Variants in EEF2 observed in about 807,000 individuals in gnomAD.
EEF2 encodes the protein elongation factor 2.
In EEF2, 21 loss-of-function variants were observed where a neutral mutation model predicts 85.3. The ratio of observed to expected loss-of-function variants is 0.25; its 90% CI spans 0.17 to 0.35. The LOEUF is 0.35. Ranked by LOEUF, EEF2 falls within the 10% of genes least tolerant of loss-of-function variation. The pLI, the probability that EEF2 is intolerant of heterozygous loss-of-function variation, is 1.00. For missense variants in EEF2, 825 were observed against 1,225.3 expected (o/e 0.67, Z 4.88); for synonymous variants, 723 against 508.8 (o/e 1.42, Z -5.67).
intron 8 of EEF2, 50 bp from the exon 9 acceptor site, chr19:3,980,759 T>C (rs755376126): frequency 1.2e-6 from 2 of 1,600,232 alleles, no homozygotes; most frequent in South Asian, 1.1e-5. Context: ...AGCTCAGCCT[T>C]CTGGAACCCT....
intron 9 of EEF2, 41 bp downstream of exon 9, chr19:3,980,473 G>A (rs777284850): frequency 1.0e-5 from 16 of 1,584,318 alleles, no homozygotes; most frequent in Admixed American, 8.9e-5. Flanking sequence ...GGCAGGGCCC[G>A]CAACAGTGCC....
chr19:3,984,692 T>G (rs1488003430), intron 1 of EEF2: 2 of 227,466 alleles, frequency 8.8e-6, no homozygotes, highest in Non-Finnish European at 1.7e-5. Context: ...TAAAGCCCCC[T>G]CCACGTTGTC....
rs1264804554 is a variant in EEF2, at chr19:3,981,657, C to T, written c.898-205G>A. ...TCGTGGTGGAGCAGAGGAAAAAGCC[C>T]ACTCTGACTCAGACAAGGACCCAAG... is the stretch of plus-strand genomic sequence containing the variant. On this transcript the variant is annotated intron_variant, in intron 6 of 14. Coordinates refer to ENST00000309311, the MANE Select transcript of EEF2 (RefSeq NM_001961.4). Among the ~76,000 whole-genome samples the T allele has an allele frequency of 2.6e-5, 4 of 152,218 alleles. No individual in the cohort carries two copies. In the East Asian group the frequency reaches 5.8e-4, roughly 22 times the overall value.
rs775271114 is a variant in EEF2, at chr19:3,982,067, C to T, written c.792-15G>A. The T allele has an allele frequency of 4.3e-6, 7 of 1,613,708 alleles. No individual in the cohort carries two copies. The highest frequency in any genetic ancestry group is 2.2e-5 in the East Asian group (1 of 44,890). ...GGTCAAAGTACCTGGCAAGGAGAGG[C>T]CAAGCCAAATCAAGTTAGGGTCTCC... is the stretch of plus-strand genomic sequence containing the variant. On this transcript the variant is annotated splice_polypyrimidine_tract_variant and intron_variant, in intron 5 of 14. Transcript: ENST00000309311.
rs537664928 is a variant in EEF2, at chr19:3,978,436, C to CT, written c.1714-265dup. Among the ~76,000 whole-genome samples the CT allele has an allele frequency of 2.2e-3, 329 of 152,302 alleles. 5 individuals are homozygous for CT. The highest frequency in any genetic ancestry group is 0.01 in the Admixed American group (155 of 15,290). ...AGCATTAACAGGGAAGAAACGAGGT[C>CT]TGGAGCAGGCCTGTCCCAACCCCTC... On this transcript the variant is annotated intron_variant, in intron 11 of 14. Coordinates refer to ENST00000309311, the MANE Select transcript of EEF2 (RefSeq NM_001961.4).
chr19:3,984,451 G>A (rs1344933308), intron 1 of EEF2, 101 bp from the exon 2 acceptor site: 4 of 1,331,320 alleles, frequency 3.0e-6, no homozygotes, highest in African/African-American at 2.9e-5. Flanking sequence ...AAGGCCAGGA[G>A]GGGGTTGGTG....
intron 2 of EEF2, 69 bp downstream of exon 2, chr19:3,984,067 T>C (rs988541092): frequency 1.3e-6 from 2 of 1,568,140 alleles, no homozygotes; most frequent in Non-Finnish European, 8.7e-7. Flanking sequence ...CCGCGCACCC[T>C]GGCCCAGTGG....
At position 3,985,390 on chromosome 19, in the gene EEF2, T is replaced by G. The variant is rs1326407176; in HGVS notation, c.-10A>C. On this transcript the variant is annotated 5_prime_UTR_variant, in exon 1 of 15. Coordinates refer to ENST00000309311, the MANE Select transcript of EEF2 (RefSeq NM_001961.4). ...CAGGGTTACTCACCATGGTGGCGGA[T>G]GGCGGTGGATTCTCCCAGGTAGAAC... The G allele has an allele frequency of 6.6e-7, 1 of 1,512,036 alleles. No individual in the cohort carries two copies. The highest frequency in any genetic ancestry group is 8.9e-7 in the Non-Finnish European group (1 of 1,127,082). 93.7% of individuals were successfully genotyped at this position (1,512,036 alleles called of 1,614,324 possible). A position where few individuals can be genotyped will look rare whatever the true frequency, so the allele number is the denominator to read the frequency against.
intron 10 of EEF2, 151 bp downstream of exon 10, chr19:3,979,657 G>C: frequency 1.6e-6 from 2 of 1,248,068 alleles, no homozygotes; most frequent in Non-Finnish European, 1.1e-6. Flanking sequence ...GCCTGGGCAG[G>C]AGTCTCCATT....
chr19:3,979,324 C>T lies in EEF2; in HGVS notation c.1713+5G>A. 1 of 1,613,186 alleles carries T rather than the reference C, an allele frequency of 6.2e-7. No homozygotes were observed. Among genetic ancestry groups the T allele is most frequent in the South Asian group, 1.1e-5 (1 of 91,054 alleles). On this transcript the variant is annotated splice_donor_5th_base_variant and intron_variant, in intron 11 of 14. Coordinates refer to ENST00000309311, the MANE Select transcript of EEF2 (RefSeq NM_001961.4). ...CGTGGGGAAGGCTGGTCACTGGCGC[C>T]TCACCTTGATGGGGATGCAGGCGTG...
chr19:3,980,134 G>T, intron 9 of EEF2, 68 bp from the exon 10 acceptor site: 1 of 1,552,684 alleles, frequency 6.4e-7, no homozygotes, highest in South Asian at 1.2e-5. Context: ...GGCCAGGGCA[G>T]GTCCCTCCCG....
rs2039791409 is a variant in EEF2, at chr19:3,984,219, G to A, written c.135C>T (p.Ile45=). The change falls in exon 2 of 15, where the codon ATC becomes ATT. Residue 45 remains isoleucine, a synonymous_variant. Transcript: ENST00000309311. ...TCTCCCCGGCCCGGGCCGAGGCGAT[G>A]ATGCCCGCCTTGCACACCAGGGAGT... is the stretch of plus-strand genomic sequence containing the variant. ...LTDSLVCKAG[I]IASARAGETR... 10 of 1,614,122 alleles carry A rather than the reference G, an allele frequency of 6.2e-6. No homozygotes were observed. The highest frequency in any genetic ancestry group is 2.2e-5 in the East Asian group (1 of 44,882).
chr19:3,978,247 T>G, intron 11 of EEF2, 75 bp from the exon 12 acceptor site: 1 of 1,324,788 alleles, frequency 7.5e-7, no homozygotes, highest in South Asian at 1.8e-5. Context: ...CCTTAAAAGC[T>G]TTTCCTAGCA....
At chr19:3,982,130 T>C (rs2039757050) in intron 5 of EEF2, 78 bp from the exon 6 acceptor site, 6 of 1,599,274 alleles carry the variant, frequency 3.8e-6, no homozygotes, top group Admixed American at 1.7e-5. Flanking sequence ...CAAGGGGACA[T>C]GCTTGGGCAA....
In EEF2 at chr19:3,980,760, C is replaced by G. The variant is rs1287740004; in HGVS notation, c.1151-51G>C. On this transcript the variant is annotated intron_variant, in intron 8 of 14. Coordinates refer to ENST00000309311, the MANE Select transcript of EEF2 (RefSeq NM_001961.4). ...CTTTATTCCAGTGCAGCTCAGCCTT[C>G]TGGAACCCTGCAACCCACAACCTTG... is the stretch of plus-strand genomic sequence containing the variant. The G allele has an allele frequency of 1.9e-6, 3 of 1,599,720 alleles. No homozygotes were observed. The Admixed American group carries it at 5.2e-5, about 28-fold the overall frequency.
chr19:3,983,687 C>A (rs1171790772), intron 2 of EEF2, among the ~76,000 whole-genome samples: 1 of 152,150 alleles, frequency 6.6e-6, no homozygotes, highest in African/African-American at 2.4e-5. Flanking sequence ...GAGTCCCTCA[C>A]CAATGTACCA....
Position 3,980,691 on chromosome 19 carries a change from G to C in EEF2, c.1169C>G (p.Pro390Arg), listed in dbSNP as rs763170059. 3 of 1,613,658 alleles carry C rather than the reference G, an allele frequency of 1.9e-6. No homozygotes were observed. Among genetic ancestry groups the C allele is most frequent in the Non-Finnish European group, 2.5e-6 (3 of 1,179,614 alleles). ...AATATACATCATAAGAGGGCCTTTG[G>C]GGTCACAGCTTTTAATGCCTGAGGG... Reference protein sequence around the residue: ...EAAMGIKSCDPKGPLMMYISK... With the variant: ...EAAMGIKSCDRKGPLMMYISK... Residue 390 changes from proline (P) to arginine (R), a missense_variant, in exon 9 of 15, where the codon CCC becomes CGC. Transcript: ENST00000309311.
At position 3,980,950 on chromosome 19, in the gene EEF2, T is replaced by G. The variant is rs1256678774; in HGVS notation, c.1041A>C (p.Gly347=). 4 of 1,574,072 alleles carry G rather than the reference T, an allele frequency of 2.5e-6. No individual in the cohort carries two copies. The highest frequency in any genetic ancestry group is 4.7e-5 in the East Asian group (2 of 42,970). The change falls in exon 8 of 15, where the codon GGA becomes GGC. Residue 347 remains glycine, a synonymous_variant. Transcript: ENST00000309311. The stretch of plus-strand genomic sequence containing the variant: ...TGGTGATCATCTGCAACAAGGCGTC[T>G]CCGGCAGGCAGCCAGCGGCGCATCA... ...KAVMRRWLPA[G]DALLQMITIH... is the part of the protein sequence containing the mutation.
chr19:3,980,214 G>C, intron 9 of EEF2, 148 bp from the exon 10 acceptor site: 3 of 1,207,170 alleles, frequency 2.5e-6, no homozygotes, highest in Admixed American at 2.8e-5. Flanking sequence ...CTGCTGCGTC[G>C]GGGCTGTCAG....
Sources: allele counts gnomAD v4.1 joint callset (sites outside exome capture counted in the v4.1 genomes callset), GRCh38; gene constraint gnomAD v4.1.1; transcripts MANE v1.5; gene names NCBI Gene and HGNC (gene_info 2026-07-23, HGNC 2026-07-21).